The following CACNA1C variants were observed in gnomAD, a reference collection of about 807,000 sequenced individuals.
CACNA1C encodes voltage-dependent L-type calcium channel subunit alpha-1C.
Under a neutral mutation model 229.0 loss-of-function variants are expected in CACNA1C, and 30 were observed. That is an observed-to-expected ratio of 0.13 (90% CI 0.10 to 0.18). The LOEUF is 0.18. CACNA1C is among the 10% of genes least tolerant of loss of function. The pLI is 1.00. For synonymous variants in CACNA1C, 1,114 were observed against 1,132.5 expected, an observed-to-expected ratio of 0.98 and a Z score of 0.33; for missense variants, 1,658 against 2,845.0, an observed-to-expected ratio of 0.58 and a Z score of 9.49.
intron 3 of CACNA1C, among the ~76,000 whole-genome samples, chr12:2,151,287 G>T (rs2095238279): frequency 6.7e-6 from 1 of 150,186 alleles, no homozygotes. Flanking sequence ...TTTTGCCCAG[G>T]TCTGAATAAA....
chr12:2,338,763 TG>T (rs2096776903), intron 3 of CACNA1C, among the ~76,000 whole-genome samples: 1 of 152,110 alleles, frequency 6.6e-6, no homozygotes, highest in East Asian at 1.9e-4. Flanking sequence ...GAGGTGCCCT[TG>T]GGGGTGGAAT....
intron 34 of CACNA1C, among the ~76,000 whole-genome samples, chr12:2,658,908 A>G (rs113636584): frequency 6.6e-6 from 1 of 152,108 alleles, no homozygotes; most frequent in Non-Finnish European, 1.5e-5. Context: ...GGATATGAAG[A>G]AAAATATTCT....
intron 1 of CACNA1C, among the ~76,000 whole-genome samples, chr12:2,091,130 G>T (rs938496631): frequency 1.3e-5 from 2 of 152,192 alleles, no homozygotes; most frequent in African/African-American, 4.8e-5. Context: ...TGCAGAGGGG[G>T]CCAGATCAAC....
intron 3 of CACNA1C, among the ~76,000 whole-genome samples, chr12:2,259,865 G>C (rs921752910): frequency 6.6e-6 from 1 of 152,112 alleles, no homozygotes; most frequent in African/African-American, 2.4e-5. Flanking sequence ...GAGCCCAGGA[G>C]GTGGAGGCTG....
intron 9 of CACNA1C, among the ~76,000 whole-genome samples, chr12:2,523,210 T>C (rs1162681621): frequency 1.3e-5 from 2 of 152,050 alleles, no homozygotes; most frequent in Non-Finnish European, 2.9e-5. Flanking sequence ...AACTTTATGA[T>C]TCTGAGAACT....
At chr12:2,122,282 G>A (rs767611494) in intron 3 of CACNA1C, among the ~76,000 whole-genome samples, 6 of 152,140 alleles carry the variant, frequency 3.9e-5, no homozygotes, top group Non-Finnish European at 5.9e-5. Flanking sequence ...AAACATCATC[G>A]AATTGTGTAC....
intron 18 of CACNA1C, among the ~76,000 whole-genome samples, chr12:2,588,235 CT>C (rs1406056257): frequency 2.4e-4 from 36 of 152,376 alleles, no homozygotes; most frequent in Non-Finnish European, 1.0e-4. Flanking sequence ...AGATCCTGAT[CT>C]ACCATTGTGC....
chr12:2,089,041 C>T (rs1465122748), intron 1 of CACNA1C, among the ~76,000 whole-genome samples: 3 of 152,148 alleles, frequency 2.0e-5, no homozygotes, highest in South Asian at 4.1e-4. Flanking sequence ...CTTCTTAGTC[C>T]AACCAACTTG....
intron 3 of CACNA1C, among the ~76,000 whole-genome samples, chr12:2,336,381 G>A (rs2096695752): frequency 6.6e-6 from 1 of 152,198 alleles, no homozygotes; most frequent in Admixed American, 6.5e-5. Flanking sequence ...TTGGGCAGTA[G>A]GTTTTTAAAG....
chr12:2,195,784 G>A (rs780232945), intron 3 of CACNA1C, among the ~76,000 whole-genome samples: 28 of 152,206 alleles, frequency 1.8e-4, no homozygotes, highest in Non-Finnish European at 1.5e-4. Context: ...TGTCGAAACC[G>A]GGAAGGGGCT....
upstream of CACNA1C, among the ~76,000 whole-genome samples, chr12:2,052,115 G>T (rs566962524): frequency 3.3e-5 from 5 of 152,336 alleles, no homozygotes; most frequent in South Asian, 6.2e-4. Flanking sequence ...GGAAGTGTTT[G>T]CTTCTCCGGG....
chr12:2,324,459 G>C (rs554357741), intron 3 of CACNA1C, among the ~76,000 whole-genome samples: 1 of 152,322 alleles, frequency 6.6e-6, no homozygotes, highest in Admixed American at 6.5e-5. Context: ...GAGTTGTCCT[G>C]TTTTTGTCCA....
intron 1 of CACNA1C, among the ~76,000 whole-genome samples, chr12:2,078,879 C>T (rs1291543711): frequency 6.6e-6 from 1 of 151,984 alleles, no homozygotes; most frequent in Non-Finnish European, 1.5e-5. Flanking sequence ...GGAACCAACC[C>T]AAATGTCCAA....
chr12:2,119,557 A>G lies in CACNA1C; in HGVS notation c.372-768A>G, dbSNP rs370289239. Reference sequence around the variant, plus strand: ...CATGGGAACCTCTGCCTGCACTACTACTGGTGAGGGAACCTTGGGCTGTCC... The same window carrying G: ...CATGGGAACCTCTGCCTGCACTACTGCTGGTGAGGGAACCTTGGGCTGTCC... On this transcript the variant is annotated intron_variant, in intron 2 of 46. Coordinates refer to ENST00000399655, the MANE Select transcript of CACNA1C (RefSeq NM_000719.7). 1.7e-4 allele frequency among the ~76,000 whole-genome samples: 26 copies of G among 152,356 alleles called. No homozygotes were observed. The East Asian group carries it at 3.9e-3, about 23-fold the overall frequency.
chr12:2,637,744 C>A (rs2093003655), intron 30 of CACNA1C, among the ~76,000 whole-genome samples: 1 of 152,232 alleles, frequency 6.6e-6, no homozygotes, highest in African/African-American at 2.4e-5. Flanking sequence ...CGGGCCTTCC[C>A]AGGTATTTTT....
At chr12:2,503,976 C>T (rs528917028) in intron 7 of CACNA1C, among the ~76,000 whole-genome samples, 11 of 152,336 alleles carry the variant, frequency 7.2e-5, no homozygotes, top group African/African-American at 2.6e-4. Flanking sequence ...TATCTTTCCT[C>T]ACACCTCCTC....
At chr12:2,280,051 T>C (rs1489604242) in intron 3 of CACNA1C, among the ~76,000 whole-genome samples, 2 of 152,258 alleles carry the variant, frequency 1.3e-5, no homozygotes, top group Admixed American at 1.3e-4. Flanking sequence ...AAGCAGCAGA[T>C]AGATGGGTCT....
At position 2,597,215 on chromosome 12, in the gene CACNA1C, C is replaced by T; in HGVS notation, c.2794-15C>T. The T allele has an allele frequency of 6.3e-7, 1 of 1,589,818 alleles. No homozygotes were observed. The highest frequency in any genetic ancestry group is 1.1e-5 in the South Asian group (1 of 90,422). ...TCCCCATCCCATCCCCACCCTGTTC[C>T]TTTTTGTTTTGCAGATTCTGTTTTA... On this transcript the variant is annotated splice_polypyrimidine_tract_variant and intron_variant, in intron 20 of 46. Transcript: ENST00000399655. The surrounding 1 kb of genome is among the most constrained non-coding windows in gnomAD (Gnocchi z 4.3).
At chr12:2,497,550 G>A (rs965215504) in intron 7 of CACNA1C, among the ~76,000 whole-genome samples, 1 of 152,050 alleles carries the variant, frequency 6.6e-6, no homozygotes. Context: ...GCCCTTCTGG[G>A]ATCCCCAAGA....
Sources: allele counts gnomAD v4.1 joint callset (sites outside exome capture counted in the v4.1 genomes callset), GRCh38; gene constraint gnomAD v4.1.1; non-coding constraint Gnocchi (gnomAD v3.1); transcripts MANE v1.5; gene names NCBI Gene and HGNC (gene_info 2026-07-23, HGNC 2026-07-21).